MRPL48: variants seen among roughly 807,000 people sequenced by gnomAD.
The protein encoded by MRPL48 is large ribosomal subunit protein mL48.
A neutral mutation model predicts 32.9 loss-of-function variants in MRPL48; 16 were observed. That is an observed-to-expected ratio of 0.49 (90% CI 0.33 to 0.74). The LOEUF is 0.74. Among genes scored for constraint, MRPL48 ranks in the 30% least tolerant of loss-of-function variants. MRPL48 has a pLI of 0.02. For missense variants in MRPL48, 206 were observed against 245.3 expected (o/e 0.84, Z 1.07); for synonymous variants, 94 against 89.2 (o/e 1.05, Z -0.31).
chr11:73,808,995 A>T (rs1160200465), intron 3 of MRPL48, among the ~76,000 whole-genome samples: 1 of 152,052 alleles, frequency 6.6e-6, no homozygotes, highest in African/African-American at 2.4e-5. Context: ...TTTTTTAAAA[A>T]TTAACTGGGT....
At chr11:73,806,164 C>T (rs562101341) in intron 2 of MRPL48, among the ~76,000 whole-genome samples, 75 of 152,072 alleles carry the variant, frequency 4.9e-4, no homozygotes, top group African/African-American at 1.7e-3. Context: ...TCTTTTAAAG[C>T]CAAGTTAGCT....
At position 73,787,997 on chromosome 11, in the gene MRPL48, C is replaced by A. The variant is rs376221138; in HGVS notation, c.21+5C>A. ...ATGAGCGGAACCTTGGAAAAGGTAA[C>A]GTAGATTCCACGCACGCGGGGCGCG... On this transcript the variant is annotated splice_donor_5th_base_variant and intron_variant, in intron 1 of 7. Coordinates refer to ENST00000310614, the MANE Select transcript of MRPL48 (RefSeq NM_016055.6). The A allele has an allele frequency of 6.4e-6, 10 of 1,574,640 alleles. No homozygotes were observed. Among genetic ancestry groups the A allele is most frequent in the African/African-American group, 3.0e-5 (2 of 66,754 alleles).
chr11:73,824,450 T>C (rs891374676), intron 3 of MRPL48, among the ~76,000 whole-genome samples: 1 of 151,936 alleles, frequency 6.6e-6, no homozygotes, highest in African/African-American at 2.4e-5. Context: ...CCGGGTGTGG[T>C]GGCGCGTGCC....
intron 4 of MRPL48, chr11:73,832,403 C>T (rs1948012754): frequency 6.6e-6 from 1 of 152,220 alleles, no homozygotes; most frequent in South Asian, 2.1e-4. Flanking sequence ...GAATCATTCC[C>T]AGATAAATCA....
chr11:73,845,225 ATTG>A, intron 5 of MRPL48: 2 of 323,058 alleles, frequency 6.2e-6, no homozygotes, highest in Non-Finnish European at 1.1e-5. Flanking sequence ...TTCTGGCCCT[ATTG>A]TTTTAACTTC....
intron 4 of MRPL48, among the ~76,000 whole-genome samples, chr11:73,836,677 C>T (rs1364691257): frequency 6.6e-6 from 1 of 152,128 alleles, no homozygotes; most frequent in African/African-American, 2.4e-5. Context: ...AAATGATGTG[C>T]CCACGTGGCT....
chr11:73,857,515 A>G (rs1277855770), intron 5 of MRPL48, among the ~76,000 whole-genome samples: 1 of 150,538 alleles, frequency 6.6e-6, no homozygotes, highest in African/African-American at 2.4e-5. Flanking sequence ...CCTGGGCTTA[A>G]GCAATCCTCC....
chr11:73,812,700 G>A (rs1947587590), intron 3 of MRPL48, among the ~76,000 whole-genome samples: 1 of 145,948 alleles, frequency 6.9e-6, no homozygotes, highest in Non-Finnish European at 1.5e-5. Context: ...GGGCGACAGA[G>A]CAGGATCCCA....
rs530329111 is a variant in MRPL48, at chr11:73,788,023, G to A, written c.21+31G>A. 5.8e-5 allele frequency: 85 copies of A among 1,465,286 alleles called. No individual in the cohort carries two copies. In the African/African-American group the frequency reaches 1.1e-3, roughly 19 times the overall value. The allele number at this position is 1,465,286 out of a possible 1,614,324, so 90.8% of individuals were successfully genotyped here. ...GTAGATTCCACGCACGCGGGGCGCG[G>A]GGAGATGGCGGACGGTGCAGAGAGG... On this transcript the variant is annotated intron_variant, in intron 1 of 7. Transcript: ENST00000310614.
intron 5 of MRPL48, among the ~76,000 whole-genome samples, chr11:73,853,140 G>C: frequency 9.3e-6 from 1 of 107,600 alleles, no homozygotes; most frequent in South Asian, 3.1e-4. Context: ...TGGTTAATGG[G>C]TATCAAAAAT....
intron 1 of MRPL48, among the ~76,000 whole-genome samples, chr11:73,790,544 C>G (rs537707736): frequency 2.4e-4 from 36 of 151,580 alleles, no homozygotes; most frequent in African/African-American, 8.2e-4. Flanking sequence ...GCCACCACAC[C>G]TGGCTAATTT....
Position 73,861,472 on chromosome 11 carries a change from C to T in MRPL48, c.474+1463C>T, listed in dbSNP as rs111635719. 7.4e-4 allele frequency among the ~76,000 whole-genome samples: 112 copies of T among 152,248 alleles called. 1 individual carries two copies. The highest frequency in any genetic ancestry group is 3.4e-3 in the Middle Eastern group (1 of 292). ...GCAACCTTCGCCTCCTGTGTTCAAG[C>T]GGGTCTCCTGCCTCAGCCTCCTGAG... On this transcript the variant is annotated intron_variant, in intron 6 of 7. Transcript: ENST00000310614.
intron 6 of MRPL48, 75 bp downstream of exon 6, chr11:73,860,084 T>A: frequency 8.1e-7 from 1 of 1,233,382 alleles, no homozygotes; most frequent in East Asian, 2.5e-5. Context: ...TCACTTTCTA[T>A]TATGCTCTTT....
intron 1 of MRPL48, among the ~76,000 whole-genome samples, chr11:73,790,369 C>T (rs1947128067): frequency 7.8e-6 from 1 of 127,636 alleles, no homozygotes; most frequent in Non-Finnish European, 1.7e-5. Flanking sequence ...GCCACCGCAC[C>T]CGGCCTTTTT....
intron 5 of MRPL48, among the ~76,000 whole-genome samples, chr11:73,857,930 C>G (rs1279991554): frequency 6.6e-6 from 1 of 152,104 alleles, no homozygotes; most frequent in African/African-American, 2.4e-5. Context: ...ACAGAGCAGG[C>G]TGTTAGTAAA....
chr11:73,830,576 GA>G (rs111687675), intron 4 of MRPL48, among the ~76,000 whole-genome samples: 8,851 of 151,906 alleles, frequency 0.058, 382 homozygotes, highest in East Asian at 0.18. Flanking sequence ...CCTAAGCCTA[GA>G]AAAAAAATAA....
chr11:73,816,310 C>T (rs1253904907), intron 3 of MRPL48, among the ~76,000 whole-genome samples: 1 of 139,348 alleles, frequency 7.2e-6, no homozygotes, highest in African/African-American at 2.7e-5. Flanking sequence ...ATCCGCCCGC[C>T]TCGGCCTCCC....
At chr11:73,810,476 G>A (rs763491412) in intron 3 of MRPL48, among the ~76,000 whole-genome samples, 1 of 152,060 alleles carries the variant, frequency 6.6e-6, no homozygotes, top group Non-Finnish European at 1.5e-5. Flanking sequence ...AGCCGAGATC[G>A]TGCCATTGCA....
At chr11:73,813,737 T>C (rs1457397596) in intron 3 of MRPL48, among the ~76,000 whole-genome samples, 1 of 152,004 alleles carries the variant, frequency 6.6e-6, no homozygotes, top group Non-Finnish European at 1.5e-5. Flanking sequence ...TTTTCTACCC[T>C]AAGATTATTT....
Sources: gnomAD v4.1 joint callset for allele counts (sites outside exome capture counted in the v4.1 genomes callset) on GRCh38, gnomAD v4.1.1 for gene constraint, MANE v1.5 for transcripts, NCBI Gene and HGNC (gene_info 2026-07-23, HGNC 2026-07-21) for gene names.